The following SYTL3 variants were observed in gnomAD, a reference collection of about 807,000 sequenced individuals.
SYTL3 encodes the protein synaptotagmin-like protein 3.
In SYTL3, 88 loss-of-function variants were observed where a neutral mutation model predicts 82.1. The ratio of observed to expected loss-of-function variants is 1.07; its 90% CI spans 0.90 to 1.28. The LOEUF (loss-of-function observed/expected upper bound fraction) is 1.28. Among genes scored for constraint, SYTL3 ranks in the 50% most tolerant of loss-of-function variants. The probability of loss-of-function intolerance (pLI) is 0.00; values close to 1 mark genes in which losing one functional copy is unlikely to be tolerated. For missense variants in SYTL3, 831 were observed against 757.6 expected, an observed-to-expected ratio of 1.10 and a Z score of -1.14; for synonymous variants, 311 against 289.4, an observed-to-expected ratio of 1.07 and a Z score of -0.76.
chr6:158,676,669 T>C (rs1397285017), intron 5 of SYTL3, among the ~76,000 whole-genome samples: 1 of 152,146 alleles, frequency 6.6e-6, no homozygotes, highest in Non-Finnish European at 1.5e-5. Flanking sequence ...GACAAAGGGC[T>C]AATATCCAGA....
At chr6:158,725,984 C>T (rs1312414149) in intron 11 of SYTL3, 6 of 665,496 alleles carry the variant, frequency 9.0e-6, no homozygotes, top group Admixed American at 3.7e-5. Context: ...GTGGTTGGAG[C>T]TGCGTTAGGC....
intron 2 of SYTL3, among the ~76,000 whole-genome samples, chr6:158,659,440 C>T (rs900650004): frequency 9.9e-5 from 15 of 152,152 alleles, no homozygotes; most frequent in Admixed American, 7.2e-4. Context: ...ACTGCAACCT[C>T]TGCCTCCCGG....
chr6:158,654,503 C>T (rs142778154), intron 2 of SYTL3, among the ~76,000 whole-genome samples: 71 of 152,296 alleles, frequency 4.7e-4, no homozygotes, highest in South Asian at 2.5e-3. Flanking sequence ...TGGCTGCCCG[C>T]GTCCCTCCCA....
chr6:158,650,450 C>G (rs943965516), intron 1 of SYTL3, among the ~76,000 whole-genome samples: 10 of 152,002 alleles, frequency 6.6e-5, no homozygotes, highest in South Asian at 2.1e-4. Flanking sequence ...CTATTTTGCT[C>G]TCTCTGAATC....
intron 3 of SYTL3, among the ~76,000 whole-genome samples, chr6:158,662,378 G>C (rs997382379): frequency 6.6e-6 from 1 of 152,176 alleles, no homozygotes; most frequent in Non-Finnish European, 1.5e-5. Context: ...AGCTTGTGGT[G>C]GTGCTGCTTC....
At chr6:158,672,102 GCA>G (rs1418057929) in intron 5 of SYTL3, among the ~76,000 whole-genome samples, 17 of 152,052 alleles carry the variant, frequency 1.1e-4, no homozygotes, top group African/African-American at 3.9e-4. Flanking sequence ...ACCAGCCTGG[GCA>G]ACACAGTGAA....
upstream of SYTL3, among the ~76,000 whole-genome samples, chr6:158,649,560 A>G (rs558620189): frequency 3.9e-5 from 6 of 152,246 alleles, no homozygotes; most frequent in Admixed American, 2.6e-4. Flanking sequence ...GTGCTGAGTA[A>G]TACTACCTAG....
intron 15 of SYTL3, 109 bp from the exon 16 acceptor site, chr6:158,761,965 CTG>C: frequency 1.4e-6 from 1 of 731,602 alleles, no homozygotes; most frequent in South Asian, 1.7e-5. Flanking sequence ...CTCTCGGGGT[CTG>C]AGGGCTGTAG....
At position 158,677,153 on chromosome 6, in the gene SYTL3, AC is replaced by A. The variant is rs1778132331; in HGVS notation, c.330-5769del. 2.0e-5 allele frequency among the ~76,000 whole-genome samples: 3 copies of A among 152,304 alleles called. No homozygotes were observed. The South Asian group carries it at 6.2e-4, about 32-fold the overall frequency. On this transcript the variant is annotated intron_variant, in intron 5 of 17. Transcript: ENST00000611299. ...TCACAATAGCAAAGACTTGGAACCA[AC>A]CCAAATGTCCAACAATGATAGACTG...
intron 11 of SYTL3, among the ~76,000 whole-genome samples, chr6:158,729,939 A>G (rs1785202259): frequency 6.6e-6 from 1 of 152,142 alleles, no homozygotes; most frequent in African/African-American, 2.4e-5. Context: ...AATTTCTTTT[A>G]AAGACTTTCT....
At chr6:158,762,478 C>G (rs1233691292) in intron 16 of SYTL3, among the ~76,000 whole-genome samples, 1 of 152,130 alleles carries the variant, frequency 6.6e-6, no homozygotes, top group Non-Finnish European at 1.5e-5. Flanking sequence ...AACATCTCCT[C>G]TTGGACCAAC....
At chr6:158,650,576 C>T (rs1281492969) in intron 1 of SYTL3, among the ~76,000 whole-genome samples, 1 of 152,164 alleles carries the variant, frequency 6.6e-6, no homozygotes, top group Middle Eastern at 3.4e-3. Flanking sequence ...AATTAAGCTT[C>T]CTTAATCTCT....
rs548847876 is a variant in SYTL3, at chr6:158,725,773, C to G, written c.855+136C>G. Reference sequence around the variant, plus strand: ...GGAGAACAGCAAGGCATTTTATTATCCATCCTTCCATTCCTTAAAGGCTTC... The same window carrying G: ...GGAGAACAGCAAGGCATTTTATTATGCATCCTTCCATTCCTTAAAGGCTTC... On this transcript the variant is annotated intron_variant, in intron 11 of 17. Coordinates refer to ENST00000611299, the MANE Select transcript of SYTL3 (RefSeq NM_001242394.2). 3.4e-6 allele frequency: 4 copies of G among 1,164,832 alleles called. No homozygotes were observed. In the Admixed American group the frequency reaches 6.7e-5, roughly 19 times the overall value. 72.2% of individuals were successfully genotyped at this position (1,164,832 alleles called of 1,614,324 possible).
chr6:158,700,656 G>T (rs566722482), intron 6 of SYTL3, among the ~76,000 whole-genome samples: 28 of 152,208 alleles, frequency 1.8e-4, no homozygotes, highest in Middle Eastern at 3.4e-3. Context: ...TTGCTCTGTC[G>T]CCCAGGCTGG....
rs530724528 is a variant in SYTL3, at chr6:158,720,345, A to G, written c.720+2134A>G. Among the ~76,000 whole-genome samples the G allele has an allele frequency of 4.0e-5, 6 of 148,496 alleles. No homozygotes were observed. The South Asian group carries it at 1.1e-3, about 27-fold the overall frequency. ...CTTGAACCTAGGAGGCAGAGATTGC[A>G]GTAAGCCGGGATCGTACTGTTATAC... is the stretch of plus-strand genomic sequence containing the variant. On this transcript the variant is annotated intron_variant, in intron 10 of 17. Coordinates refer to ENST00000611299, the MANE Select transcript of SYTL3 (RefSeq NM_001242394.2).
chr6:158,665,072 C>T (rs1331667964), intron 4 of SYTL3, among the ~76,000 whole-genome samples: 2 of 152,218 alleles, frequency 1.3e-5, no homozygotes, highest in African/African-American at 4.8e-5. Context: ...TGCTTACTAT[C>T]ATAACAGCCT....
At chr6:158,714,391 G>A (rs1456555449) in intron 9 of SYTL3, among the ~76,000 whole-genome samples, 2 of 152,008 alleles carry the variant, frequency 1.3e-5, no homozygotes, top group East Asian at 3.9e-4. Flanking sequence ...GCAATTTCAG[G>A]GAATCTAAAA....
At chr6:158,710,163 G>A (rs1423761742) in intron 8 of SYTL3, among the ~76,000 whole-genome samples, 1 of 152,040 alleles carries the variant, frequency 6.6e-6, no homozygotes, top group Non-Finnish European at 1.5e-5. Flanking sequence ...CAGTCACATG[G>A]GTATAACAAT....
At chr6:158,722,760 C>CTTTTTTTTT (rs1179616890) in intron 10 of SYTL3, among the ~76,000 whole-genome samples, 3 of 89,190 alleles carry the variant, frequency 3.4e-5, no homozygotes, top group Admixed American at 1.0e-4. Flanking sequence ...TCTCTCTTTT[C>CTTTTTTTTT]TGTTTTTTTT....
Sources: allele counts gnomAD v4.1 joint callset (sites outside exome capture counted in the v4.1 genomes callset), GRCh38; gene constraint gnomAD v4.1.1; transcripts MANE v1.5; gene names NCBI Gene and HGNC (gene_info 2026-07-23, HGNC 2026-07-21).